Variants in VPS41 observed in about 807,000 individuals in gnomAD.
The protein encoded by VPS41 is vacuolar protein sorting-associated protein 41 homolog.
In VPS41, 85 loss-of-function variants were observed where a neutral mutation model predicts 130.9. That is an observed-to-expected ratio of 0.65 (90% CI 0.55 to 0.78). The LOEUF is 0.78. VPS41 is among the 30% of genes least tolerant of loss of function. The probability of loss-of-function intolerance (pLI) is 0.00; values close to 1 mark genes in which losing one functional copy is unlikely to be tolerated. For synonymous variants in VPS41, 335 were observed against 332.9 expected (o/e 1.01, Z -0.07); for missense variants, 874 against 1,018.7 (o/e 0.86, Z 1.93).
chr7:38,888,115 T>C (rs1786775212), intron 2 of VPS41, among the ~76,000 whole-genome samples: 1 of 152,106 alleles, frequency 6.6e-6, no homozygotes, highest in South Asian at 2.1e-4. Flanking sequence ...GAAAAAACTG[T>C]ATCAATTAAC....
At chr7:38,765,764 A>T in intron 15 of VPS41, 103 bp from the exon 16 acceptor site, 1 of 682,938 alleles carries the variant, frequency 1.5e-6, no homozygotes, top group Non-Finnish European at 2.4e-6. Flanking sequence ...GTTTAGAGAA[A>T]TCTCTCTTCT....
intron 2 of VPS41, among the ~76,000 whole-genome samples, chr7:38,878,412 C>T (rs2392604): frequency 0.64 from 97,211 of 151,982 alleles, 32,920 homozygotes; most frequent in East Asian, 0.89. Context: ...ATTTAAGCTG[C>T]CCCATAAGAG....
At chr7:38,851,094 T>C (rs541012851) in intron 4 of VPS41, among the ~76,000 whole-genome samples, 1 of 152,284 alleles carries the variant, frequency 6.6e-6, no homozygotes, top group South Asian at 2.1e-4. Flanking sequence ...AGATTTCACA[T>C]CACTCACTAT....
At chr7:38,765,820 ATATTACTG>A (rs1464866847) in intron 15 of VPS41, 159 bp from the exon 16 acceptor site, 5 of 526,764 alleles carry the variant, frequency 9.5e-6, no homozygotes, top group Non-Finnish European at 9.9e-6. Context: ...GAACATAAAG[ATATTACTG>A]TTACTCATTT....
rs530767162 is a variant in VPS41 at position 38,787,639 on chromosome 7, T to C, written c.784+2162A>G. Among the ~76,000 whole-genome samples the C allele has an allele frequency of 1.8e-3, 272 of 152,320 alleles. 2 individuals are homozygous for C. Among genetic ancestry groups the C allele is most frequent in the Non-Finnish European group, 3.2e-3 (221 of 68,028 alleles). ...ACAGAAAGAGTTATAAACAATTGGC[T>C]TCTAAGAAATGTACAGCCATACGTA... On this transcript the variant is annotated intron_variant, in intron 10 of 28. Coordinates refer to ENST00000310301, the MANE Select transcript of VPS41 (RefSeq NM_014396.4).
intron 4 of VPS41, among the ~76,000 whole-genome samples, chr7:38,858,997 C>T (rs1465254254): frequency 6.6e-6 from 1 of 152,064 alleles, no homozygotes; most frequent in East Asian, 1.9e-4. Flanking sequence ...TGAAGGCCTT[C>T]CAGCAGGACA....
intron 16 of VPS41, among the ~76,000 whole-genome samples, chr7:38,764,078 A>C (rs1232363934): frequency 3.3e-5 from 5 of 152,218 alleles, no homozygotes; most frequent in Non-Finnish European, 7.3e-5. Flanking sequence ...CACACTTTTT[A>C]CTGGGGACAG....
At chr7:38,799,206 C>G (rs1358315509) in intron 7 of VPS41, among the ~76,000 whole-genome samples, 1 of 151,960 alleles carries the variant, frequency 6.6e-6, no homozygotes, top group Non-Finnish European at 1.5e-5. Flanking sequence ...ACTTGTGACT[C>G]CATATGAATA....
chr7:38,785,525 T>G (rs865900510), intron 10 of VPS41, among the ~76,000 whole-genome samples: 1 of 152,262 alleles, frequency 6.6e-6, no homozygotes. Flanking sequence ...CTGATAGGAT[T>G]ATCTCATCTA....
intron 22 of VPS41, among the ~76,000 whole-genome samples, chr7:38,747,460 C>T (rs1796010186): frequency 6.6e-6 from 1 of 152,194 alleles, no homozygotes; most frequent in Non-Finnish European, 1.5e-5. Context: ...ATTTATGCTG[C>T]TTAAAATAAT....
intron 4 of VPS41, among the ~76,000 whole-genome samples, chr7:38,850,669 T>C (rs1430572026): frequency 2.6e-5 from 4 of 152,114 alleles, no homozygotes; most frequent in Non-Finnish European, 5.9e-5. Context: ...TTTTGAGCCA[T>C]CACATGAGCC....
At chr7:38,826,995 T>A (rs1360223121) in intron 5 of VPS41, among the ~76,000 whole-genome samples, 1 of 152,026 alleles carries the variant, frequency 6.6e-6, no homozygotes, top group Non-Finnish European at 1.5e-5. Flanking sequence ...ATTTTTTGTA[T>A]TTTTAGTAGA....
Position 38,853,868 on chromosome 7 carries a change from A to C in VPS41, c.246+8677T>G, listed in dbSNP as rs553542105. 3.3e-5 allele frequency among the ~76,000 whole-genome samples: 5 copies of C among 152,372 alleles called. No homozygotes were observed. The South Asian group carries it at 1.0e-3, about 32-fold the overall frequency. On this transcript the variant is annotated intron_variant, in intron 4 of 28. Transcript: ENST00000310301. Reference sequence around the variant, plus strand: ...TAAATGTAGTTACCACTGAAGGGTCAGATGTTAAAACATTCAGTAAGTATG... The same window carrying C: ...TAAATGTAGTTACCACTGAAGGGTCCGATGTTAAAACATTCAGTAAGTATG...
chr7:38,886,587 C>T (rs1786737704), intron 2 of VPS41, among the ~76,000 whole-genome samples: 1 of 152,236 alleles, frequency 6.6e-6, no homozygotes, highest in African/African-American at 2.4e-5. Context: ...CCTCTGGGGG[C>T]AGGGTATATC....
chr7:38,761,997 A>G (rs1291467959), intron 17 of VPS41, among the ~76,000 whole-genome samples: 1 of 152,146 alleles, frequency 6.6e-6, no homozygotes, highest in African/African-American at 2.4e-5. Context: ...GGAAAGAAGA[A>G]AGTTTGGCCT....
intron 10 of VPS41, among the ~76,000 whole-genome samples, chr7:38,779,017 T>C (rs1193762854): frequency 6.6e-6 from 1 of 152,182 alleles, no homozygotes; most frequent in Non-Finnish European, 1.5e-5. Context: ...GTTCTCTAAT[T>C]AAGAACATGA....
chr7:38,800,663 G>T (rs906795549), intron 7 of VPS41, among the ~76,000 whole-genome samples: 1 of 151,962 alleles, frequency 6.6e-6, no homozygotes, highest in African/African-American at 2.4e-5. Flanking sequence ...GTGAAACCCC[G>T]TCTCTACTAA....
rs575254978 is a variant in VPS41, at chr7:38,806,533, TTACTC to T, written c.451-9674_451-9670del. On this transcript the variant is annotated intron_variant, in intron 7 of 28. Coordinates refer to ENST00000310301, the MANE Select transcript of VPS41 (RefSeq NM_014396.4). ...AAAACAAGATCTAAAATAATTGAGA[TTACTC>T]TAAACATTCCTTTACTTTTTATTAT... is the stretch of plus-strand genomic sequence containing the variant. Among the ~76,000 whole-genome samples the T allele has an allele frequency of 4.0e-4, 61 of 152,244 alleles. 1 individual carries two copies. The South Asian group carries it at 0.011, about 28-fold the overall frequency.
chr7:38,799,359 A>T (rs565792766), intron 7 of VPS41, among the ~76,000 whole-genome samples: 18 of 152,346 alleles, frequency 1.2e-4, no homozygotes, highest in Non-Finnish European at 2.5e-4. Context: ...TACAAAAAAC[A>T]TTCTCAATCT....
Sources: gnomAD v4.1 joint callset for allele counts (sites outside exome capture counted in the v4.1 genomes callset) on GRCh38, gnomAD v4.1.1 for gene constraint, MANE v1.5 for transcripts, NCBI Gene and HGNC (gene_info 2026-07-23, HGNC 2026-07-21) for gene names.